Variants in IGF1R observed in about 807,000 individuals in gnomAD.
IGF1R encodes the protein insulin-like growth factor 1 receptor.
Under a neutral mutation model 144.6 loss-of-function variants are expected in IGF1R, and 44 were observed. The observed-to-expected ratio is 0.30, with a 90% CI of 0.24 to 0.39. The LOEUF is 0.39. Ranked by LOEUF, IGF1R falls within the 10% of genes least tolerant of loss-of-function variation. The pLI is 1.00. For missense variants in IGF1R, 1,355 were observed against 1,833.7 expected (o/e 0.74, Z 4.77); for synonymous variants, 795 against 722.8 (o/e 1.10, Z -1.60).
chr15:98,911,046 C>T (rs1458051757), intron 6 of IGF1R, among the ~76,000 whole-genome samples: 2 of 152,206 alleles, frequency 1.3e-5, no homozygotes, highest in African/African-American at 4.8e-5. Context: ...CCCTTGTTTT[C>T]AGGTTAGGAA....
rs2151652101 is a variant in IGF1R, at chr15:98,896,757, C to T, written c.954C>T (p.Ser318=). Residue 318 remains serine, a splice_region_variant and synonymous_variant, in exon 4 of 21, where the codon AGC becomes AGT. Coordinates refer to ENST00000650285, the MANE Select transcript of IGF1R (RefSeq NM_000875.5). ...TGATTTTTTTTTTCTTCTTCAACAGCATGTACTGCATCCCTTGTGAAGGTC... is the reference window on the plus strand; with the variant it reads ...TGATTTTTTTTTTCTTCTTCAACAGTATGTACTGCATCCCTTGTGAAGGTC... ...PSGFIRNGSQ[S]MYCIPCEGPC... 1 of 1,613,692 alleles carries T rather than the reference C, an allele frequency of 6.2e-7. No individual in the cohort carries two copies.
intron 2 of IGF1R, among the ~76,000 whole-genome samples, chr15:98,759,731 C>T (rs2055245651): frequency 6.6e-6 from 1 of 152,134 alleles, no homozygotes; most frequent in African/African-American, 2.4e-5. Context: ...ATTTTTAGTT[C>T]ATGGGGCACA....
chr15:98,899,536 G>A lies in IGF1R; in HGVS notation c.1162G>A (p.Val388Met), dbSNP rs45445894. The change falls in exon 5 of 21, where the codon GTG (valine) becomes ATG (methionine). Residue 388 changes from valine to methionine, a missense_variant. Physicochemically the swap from Val to Met is conservative, Grantham distance 21. Transcript: ENST00000650285. ...GCTCATCGAGGTGGTGACGGGCTAC[G>A]TGAAGATCCGCCATTCTCATGCCTT... ...MGLIEVVTGYVKIRHSHALVS... is the reference protein window; with the variant it reads ...MGLIEVVTGYMKIRHSHALVS... 3.9e-4 allele frequency: 634 copies of A among 1,614,150 alleles called. 1 individual carries two copies. The African/African-American group carries it at 5.3e-3, about 14-fold the overall frequency.
chr15:98,915,378 G>C (rs957201358), intron 8 of IGF1R, among the ~76,000 whole-genome samples: 8 of 152,196 alleles, frequency 5.3e-5, no homozygotes, highest in Non-Finnish European at 1.0e-4. Flanking sequence ...ACTGAAGGAT[G>C]CCTGTGGAAA....
At chr15:98,689,234 C>CTTTTTT (rs890361771) in intron 1 of IGF1R, among the ~76,000 whole-genome samples, 11 of 100,936 alleles carry the variant, frequency 1.1e-4, no homozygotes, top group South Asian at 3.3e-4. Flanking sequence ...AGTTGCACTA[C>CTTTTTT]TTTTTTTTTT....
In IGF1R at chr15:98,923,120, T is replaced by G. The variant is rs45626743; in HGVS notation, c.2485+689T>G. Reference sequence around the variant, plus strand: ...CGTCAGGCTCCCTGCCTCAGTTTCCTTAGCCCTCCTGGGAGAGACATAGCC... The same window carrying G: ...CGTCAGGCTCCCTGCCTCAGTTTCCGTAGCCCTCCTGGGAGAGACATAGCC... On this transcript the variant is annotated intron_variant, in intron 11 of 20. Coordinates refer to ENST00000650285, the MANE Select transcript of IGF1R (RefSeq NM_000875.5). Among the ~76,000 whole-genome samples the G allele has an allele frequency of 1.0e-2, 1,523 of 152,320 alleles. 38 individuals are homozygous for G. Among genetic ancestry groups the G allele is most frequent in the African/African-American group, 0.035 (1,456 of 41,570 alleles).
chr15:98,875,242 A>G (rs2012998055), intron 2 of IGF1R, among the ~76,000 whole-genome samples: 1 of 151,746 alleles, frequency 6.6e-6, no homozygotes, highest in African/African-American at 2.4e-5. Context: ...ACATTTTCAG[A>G]TCTTTGTTTT....
chr15:98,680,392 G>A (rs9707950), intron 1 of IGF1R, among the ~76,000 whole-genome samples: 19,286 of 151,218 alleles, frequency 0.13, 2,441 homozygotes, highest in African/African-American at 0.33. Flanking sequence ...TCAGCCTCCC[G>A]AGTAGCTGGG....
chr15:98,836,393 G>A (rs1008365483), intron 2 of IGF1R, among the ~76,000 whole-genome samples: 1 of 151,946 alleles, frequency 6.6e-6, no homozygotes, highest in African/African-American at 2.4e-5. Context: ...GGTGGCACGT[G>A]GCTGTAGTCT....
intron 20 of IGF1R, among the ~76,000 whole-genome samples, chr15:98,952,615 C>T (rs1392730517): frequency 6.6e-6 from 1 of 152,122 alleles, no homozygotes; most frequent in Non-Finnish European, 1.5e-5. Flanking sequence ...TGTGCTTTCT[C>T]TTTGACTCGG....
chr15:98,706,809 C>T (rs534952126), intron 1 of IGF1R, among the ~76,000 whole-genome samples: 9 of 145,524 alleles, frequency 6.2e-5, no homozygotes, highest in African/African-American at 2.0e-4. Flanking sequence ...ATGTTGAGAT[C>T]GTTGATGATT....
intron 2 of IGF1R, among the ~76,000 whole-genome samples, chr15:98,784,135 C>T (rs759002928): frequency 2.0e-5 from 3 of 151,908 alleles, no homozygotes; most frequent in Non-Finnish European, 4.4e-5. Flanking sequence ...CAACCACACC[C>T]GGGTAATTTT....
intron 2 of IGF1R, among the ~76,000 whole-genome samples, chr15:98,743,496 A>C (rs766965105): frequency 2.6e-5 from 4 of 152,200 alleles, no homozygotes; most frequent in Non-Finnish European, 4.4e-5. Flanking sequence ...GCCACAAACA[A>C]ATAGAACATT....
chr15:98,822,706 A>G (rs1271726905), intron 2 of IGF1R, among the ~76,000 whole-genome samples: 1 of 152,206 alleles, frequency 6.6e-6, no homozygotes, highest in East Asian at 1.9e-4. Flanking sequence ...TTCCCTGGTA[A>G]CTGACTGTAT....
chr15:98,778,171 G>T (rs2055768094), intron 2 of IGF1R, among the ~76,000 whole-genome samples: 1 of 152,124 alleles, frequency 6.6e-6, no homozygotes, highest in Non-Finnish European at 1.5e-5. Context: ...ATCCCCAAGG[G>T]CAACTGAAGC....
Position 98,957,620 on chromosome 15 carries a change from C to A in IGF1R, c.*178C>A. 1 of 731,066 alleles carries A rather than the reference C, an allele frequency of 1.4e-6. No homozygotes were observed. Among genetic ancestry groups the A allele is most frequent in the Non-Finnish European group, 2.2e-6 (1 of 446,422 alleles). The allele number at this position is 731,066 out of a possible 1,614,324, so 45.3% of individuals were successfully genotyped here. A position where few individuals can be genotyped will look rare whatever the true frequency, so the allele number is the denominator to read the frequency against. On this transcript the variant is annotated 3_prime_UTR_variant, in exon 21 of 21. Transcript: ENST00000650285. ...GCAGTAAAACACATTTGGGATGTTC[C>A]TTTTTTCAATATGCAAGCAGCTTTT...
At chr15:98,698,034 C>T (rs2053637065) in intron 1 of IGF1R, among the ~76,000 whole-genome samples, 1 of 135,346 alleles carries the variant, frequency 7.4e-6, no homozygotes, top group South Asian at 2.3e-4. Flanking sequence ...CGCGCCTGGC[C>T]TTCCTTTTTT....
At chr15:98,852,655 G>T (rs1357936144) in intron 2 of IGF1R, among the ~76,000 whole-genome samples, 5 of 152,180 alleles carry the variant, frequency 3.3e-5, no homozygotes, top group Non-Finnish European at 5.9e-5. Flanking sequence ...TCCCAGCCCC[G>T]GGGCCCCACC....
rs962575774 is a variant in IGF1R, at chr15:98,675,573, T to C, written c.94+25898T>C. 2.6e-5 allele frequency among the ~76,000 whole-genome samples: 4 copies of C among 152,366 alleles called. No homozygotes were observed. The South Asian group carries it at 8.3e-4, about 32-fold the overall frequency. On this transcript the variant is annotated intron_variant, in intron 1 of 20. Transcript: ENST00000650285. ...ATTTAAAAAGTTGTATCATTTAATA[T>C]AGAATAGCAGTCTCTTCATTATGAT...
Sources: allele counts gnomAD v4.1 joint callset (sites outside exome capture counted in the v4.1 genomes callset), GRCh38; gene constraint gnomAD v4.1.1; transcripts MANE v1.5; gene names NCBI Gene and HGNC (gene_info 2026-07-23, HGNC 2026-07-21).